Variants in ZMAT4 observed in about 807,000 individuals in gnomAD.
ZMAT4 encodes the protein zinc finger matrin-type 4.
ZMAT4 carries 17 observed loss-of-function variants against 28.7 expected under a neutral mutation model. The observed-to-expected ratio is 0.59, with a 90% CI of 0.41 to 0.89. The LOEUF (loss-of-function observed/expected upper bound fraction) is 0.89, where lower values mean the gene tolerates loss of function less well. Ranked by LOEUF, ZMAT4 falls within the 40% of genes least tolerant of loss-of-function variation. The probability of loss-of-function intolerance (pLI) is 0.00; values close to 1 mark genes in which losing one functional copy is unlikely to be tolerated. For missense variants in ZMAT4, 240 were observed against 283.8 expected, an observed-to-expected ratio of 0.85 and a Z score of 1.11; for synonymous variants, 117 against 109.2, an observed-to-expected ratio of 1.07 and a Z score of -0.44.
chr8:40,790,506 C>T (rs1286935577), intron 2 of ZMAT4, among the ~76,000 whole-genome samples: 2 of 152,078 alleles, frequency 1.3e-5, no homozygotes, highest in Non-Finnish European at 2.9e-5. Flanking sequence ...TAAAGAATAA[C>T]ATTTATAATT....
chr8:40,771,669 T>C (rs947705594), intron 2 of ZMAT4, among the ~76,000 whole-genome samples: 4 of 152,242 alleles, frequency 2.6e-5, no homozygotes, highest in Non-Finnish European at 4.4e-5. Flanking sequence ...GAGCAATATA[T>C]GCTACTTCCA....
At chr8:40,868,836 A>T (rs1331460860) in intron 1 of ZMAT4, among the ~76,000 whole-genome samples, 3 of 151,884 alleles carry the variant, frequency 2.0e-5, no homozygotes, top group Non-Finnish European at 4.4e-5. Context: ...CCTGACTTCA[A>T]CTCCACTTGT....
chr8:40,695,243 C>G (rs1291440474), intron 4 of ZMAT4, among the ~76,000 whole-genome samples: 2 of 152,212 alleles, frequency 1.3e-5, no homozygotes, highest in Non-Finnish European at 2.9e-5. Context: ...CTTGCTCCCT[C>G]TAGTAGGAGG....
chr8:40,594,938 C>T (rs1805037888), intron 5 of ZMAT4, among the ~76,000 whole-genome samples: 1 of 152,114 alleles, frequency 6.6e-6, no homozygotes, highest in Non-Finnish European at 1.5e-5. Flanking sequence ...ATGGAAGATA[C>T]AACATTACAC....
At chr8:40,763,501 G>T (rs1006464968) in intron 3 of ZMAT4, among the ~76,000 whole-genome samples, 1 of 152,206 alleles carries the variant, frequency 6.6e-6, no homozygotes, top group South Asian at 2.1e-4. Context: ...CATGATAAAA[G>T]CCAGCCACTA....
chr8:40,881,438 A>AGAAG, intron 1 of ZMAT4, among the ~76,000 whole-genome samples: 1 of 50,740 alleles, frequency 2.0e-5, no homozygotes, highest in Non-Finnish European at 4.5e-5. Flanking sequence ...AAAGAGAGAA[A>AGAAG]GAAAGAAAGA....
intron 6 of ZMAT4, among the ~76,000 whole-genome samples, chr8:40,546,726 G>A (rs551012247): frequency 1.3e-5 from 2 of 152,304 alleles, no homozygotes; most frequent in Non-Finnish European, 2.9e-5. Context: ...AGAAAGGGAA[G>A]GGAGAAAGGC....
intron 5 of ZMAT4, among the ~76,000 whole-genome samples, chr8:40,657,017 C>T (rs967201015): frequency 1.3e-5 from 2 of 152,084 alleles, no homozygotes; most frequent in Admixed American, 6.6e-5. Flanking sequence ...AATTATGTCT[C>T]AGTATTTATT....
At chr8:40,856,068 A>C (rs1338487266) in intron 1 of ZMAT4, among the ~76,000 whole-genome samples, 2 of 152,134 alleles carry the variant, frequency 1.3e-5, no homozygotes, top group African/African-American at 2.4e-5. Context: ...GGAATAGTAC[A>C]TGGGCCCCAG....
At chr8:40,743,721 C>T (rs909689656) in intron 3 of ZMAT4, among the ~76,000 whole-genome samples, 1 of 152,094 alleles carries the variant, frequency 6.6e-6, no homozygotes, top group Non-Finnish European at 1.5e-5. Context: ...AGGGAGCGGC[C>T]GATTCCGGCG....
At chr8:40,801,875 T>C (rs1344516979) in intron 2 of ZMAT4, among the ~76,000 whole-genome samples, 3 of 152,036 alleles carry the variant, frequency 2.0e-5, no homozygotes, top group Non-Finnish European at 2.9e-5. Flanking sequence ...AAATAAAGGA[T>C]ACACCACAAC....
At chr8:40,609,207 T>C (rs1014707029) in intron 5 of ZMAT4, among the ~76,000 whole-genome samples, 1 of 152,214 alleles carries the variant, frequency 6.6e-6, no homozygotes, top group Non-Finnish European at 1.5e-5. Flanking sequence ...GCTTATAAAA[T>C]GTAAGACCCA....
At chr8:40,597,901 A>C (rs1482987889) in intron 5 of ZMAT4, among the ~76,000 whole-genome samples, 1 of 152,182 alleles carries the variant, frequency 6.6e-6, no homozygotes, top group Non-Finnish European at 1.5e-5. Flanking sequence ...CTATTATTTG[A>C]ATTTCATGAC....
At chr8:40,761,592 A>C (rs1812940433) in intron 3 of ZMAT4, among the ~76,000 whole-genome samples, 1 of 152,222 alleles carries the variant, frequency 6.6e-6, no homozygotes, top group Non-Finnish European at 1.5e-5. Context: ...GATTGTTTTT[A>C]AATTGCTTTC....
chr8:40,857,739 CTT>C (rs1817349068), intron 1 of ZMAT4, among the ~76,000 whole-genome samples: 1 of 152,070 alleles, frequency 6.6e-6, no homozygotes, highest in African/African-American at 2.4e-5. Flanking sequence ...TACATTGAAA[CTT>C]TGCAAAAAAA....
In ZMAT4 at chr8:40,792,832, A is replaced by T. The variant is rs186916904; in HGVS notation, c.103-25102T>A. On this transcript the variant is annotated intron_variant, in intron 2 of 6. Transcript: ENST00000297737. ...AAAGAAAACTTAAATGCATATTACT[A>T]AGTACTAGAAGTCAATCTGAAGAGG... 1.6e-3 allele frequency among the ~76,000 whole-genome samples: 248 copies of T among 151,306 alleles called. 3 individuals are homozygous for T. Among genetic ancestry groups the T allele is most frequent in the African/African-American group, 5.9e-3 (242 of 41,176 alleles).
intron 5 of ZMAT4, among the ~76,000 whole-genome samples, chr8:40,625,710 A>G (rs952726594): frequency 3.9e-5 from 6 of 152,156 alleles, no homozygotes; most frequent in Non-Finnish European, 8.8e-5. Flanking sequence ...TGAGATATTT[A>G]GTAGACACCA....
At chr8:40,805,933 G>T (rs1213852897) in intron 2 of ZMAT4, among the ~76,000 whole-genome samples, 2 of 151,200 alleles carry the variant, frequency 1.3e-5, no homozygotes. Flanking sequence ...AAAACTTAAA[G>T]TATAATTAAA....
intron 6 of ZMAT4, among the ~76,000 whole-genome samples, chr8:40,576,941 C>T (rs1304750028): frequency 6.6e-6 from 1 of 152,164 alleles, no homozygotes; most frequent in Non-Finnish European, 1.5e-5. Context: ...CACCTGTAAT[C>T]CCAGCACTTT....
Sources: gnomAD v4.1 joint callset for allele counts (sites outside exome capture counted in the v4.1 genomes callset) on GRCh38, gnomAD v4.1.1 for gene constraint, MANE v1.5 for transcripts, NCBI Gene and HGNC (gene_info 2026-07-23, HGNC 2026-07-21) for gene names.